GABRA2: variants seen among roughly 807,000 people sequenced by gnomAD.
The protein encoded by GABRA2 is gamma-aminobutyric acid type A receptor subunit alpha2, also known as gamma-aminobutyric acid receptor subunit alpha-2.
A neutral mutation model predicts 48.7 loss-of-function variants in GABRA2; 16 were observed. The ratio of observed to expected loss-of-function variants is 0.33; its 90% CI spans 0.22 to 0.50. The LOEUF (loss-of-function observed/expected upper bound fraction) is 0.50, where lower values mean the gene tolerates loss of function less well. Ranked by LOEUF, GABRA2 falls within the 20% of genes least tolerant of loss-of-function variation. The pLI is 0.98. For missense variants in GABRA2, 275 were observed against 535.6 expected, an observed-to-expected ratio of 0.51 and a Z score of 4.80; for synonymous variants, 185 against 184.5, an observed-to-expected ratio of 1.00 and a Z score of -0.02.
In GABRA2 at chr4:46,314,374, T is replaced by C. The variant is rs77166883; in HGVS notation, c.256-1658A>G. Among the ~76,000 whole-genome samples the C allele has an allele frequency of 0.021, 3,140 of 152,280 alleles. 141 individuals are homozygous for C. The East Asian group carries it at 0.22, about 11-fold the overall frequency. On this transcript the variant is annotated intron_variant, in intron 4 of 9. Transcript: ENST00000381620. Reference sequence around the variant, plus strand: ...TTATCTGTTTCAGAAGCTATTGATATGACAGTCATTTTCTGGAGGTCAATC... The same window carrying C: ...TTATCTGTTTCAGAAGCTATTGATACGACAGTCATTTTCTGGAGGTCAATC...
rs1252863273 is a variant in GABRA2, at chr4:46,390,092, G to C, written c.-368C>G. The C allele has an allele frequency of 1.0e-6, 1 of 964,586 alleles. No homozygotes were observed. The highest frequency in any genetic ancestry group is 1.2e-6 in the Non-Finnish European group (1 of 811,244). 59.8% of individuals were successfully genotyped at this position (964,586 alleles called of 1,614,324 possible). A position where few individuals can be genotyped will look rare whatever the true frequency, so the allele number is the denominator to read the frequency against. ...TTGGGGGGACGCGGGCGGAGGCGCG[G>C]TGCGCGCCGGCGGTGGCGGGCACGA... On this transcript the variant is annotated 5_prime_UTR_variant, in exon 1 of 10. Transcript: ENST00000381620.
intron 8 of GABRA2, among the ~76,000 whole-genome samples, chr4:46,265,007 A>ATATATATATATATATATATGT (rs1426804933): frequency 7.1e-6 from 1 of 140,548 alleles, no homozygotes; most frequent in Non-Finnish European, 1.5e-5. Flanking sequence ...ATATATGTAT[A>ATATATATATATATATATATGT]AAGAGAGAGA....
chr4:46,330,269 A>G (rs1475896931), intron 4 of GABRA2, among the ~76,000 whole-genome samples: 5 of 152,050 alleles, frequency 3.3e-5, no homozygotes, highest in African/African-American at 1.2e-4. Context: ...TTCAATTTAC[A>G]GATAAAGCAC....
At chr4:46,346,625 TTTA>T (rs1214173579) in intron 3 of GABRA2, among the ~76,000 whole-genome samples, 1 of 148,500 alleles carries the variant, frequency 6.7e-6, no homozygotes, top group African/African-American at 2.4e-5. Flanking sequence ...AAATATTATA[TTTA>T]TTATATTTAT....
intron 2 of GABRA2, 34 bp downstream of exon 2, chr4:46,388,602 G>T: frequency 6.2e-7 from 1 of 1,611,560 alleles, no homozygotes; most frequent in South Asian, 1.1e-5. Flanking sequence ...TCTTTGCCCT[G>T]AATTAAAATA....
intron 8 of GABRA2, among the ~76,000 whole-genome samples, chr4:46,291,933 G>A (rs773700785): frequency 2.0e-5 from 3 of 151,814 alleles, no homozygotes; most frequent in East Asian, 1.9e-4. Flanking sequence ...ATTGGTTTTC[G>A]GATTTCTAGA....
At chr4:46,309,359 A>G (rs567922978) in intron 6 of GABRA2, among the ~76,000 whole-genome samples, 1 of 152,234 alleles carries the variant, frequency 6.6e-6, no homozygotes, top group Non-Finnish European at 1.5e-5. Flanking sequence ...TTCAACAGAG[A>G]AGAAAAAGTC....
chr4:46,377,603 T>TG (rs1409211779), intron 3 of GABRA2, among the ~76,000 whole-genome samples: 5 of 142,304 alleles, frequency 3.5e-5, no homozygotes, highest in South Asian at 2.3e-4. Flanking sequence ...GGCAGGGAGG[T>TG]GGGGGGTCAG....
Position 46,249,893 on chromosome 4 carries a change from A to G in GABRA2, c.*415T>C, listed in dbSNP as rs1433291865. 1 of 165,278 alleles carries G rather than the reference A, an allele frequency of 6.1e-6. No homozygotes were observed. Among genetic ancestry groups the G allele is most frequent in the East Asian group, 1.7e-4 (1 of 5,764 alleles). The allele number at this position is 165,278 out of a possible 1,614,324, so 10.2% of individuals were successfully genotyped here. A position where few individuals can be genotyped will look rare whatever the true frequency, so the allele number is the denominator to read the frequency against. ...GTCAGATACAATGTTTGTTACTTCA[A>G]AGGATTCATCTAGGAATGACAATGT... is the stretch of plus-strand genomic sequence containing the variant. On this transcript the variant is annotated 3_prime_UTR_variant, in exon 10 of 10. Transcript: ENST00000381620.
At chr4:46,290,652 C>T (rs1723452643) in intron 8 of GABRA2, among the ~76,000 whole-genome samples, 1 of 151,950 alleles carries the variant, frequency 6.6e-6, no homozygotes, top group African/African-American at 2.4e-5. Flanking sequence ...TTTTTAAGCT[C>T]TAGTAATTTT....
chr4:46,291,375 T>A (rs1723591492), intron 8 of GABRA2, among the ~76,000 whole-genome samples: 1 of 152,104 alleles, frequency 6.6e-6, no homozygotes, highest in African/African-American at 2.4e-5. Flanking sequence ...GTGTCCAAGA[T>A]TATTGTGATG....
intron 3 of GABRA2, among the ~76,000 whole-genome samples, chr4:46,369,231 T>C (rs1373734712): frequency 1.3e-5 from 2 of 152,120 alleles, no homozygotes; most frequent in African/African-American, 4.8e-5. Context: ...ACCCCTGTAA[T>C]CAGGGAAGCT....
At chr4:46,316,906 A>T (rs1465313663) in intron 4 of GABRA2, among the ~76,000 whole-genome samples, 1 of 151,880 alleles carries the variant, frequency 6.6e-6, no homozygotes, top group African/African-American at 2.4e-5. Context: ...TCCAATGCAC[A>T]AGCCCATTTC....
chr4:46,255,360 A>T (rs1937855214), intron 9 of GABRA2, among the ~76,000 whole-genome samples: 1 of 151,660 alleles, frequency 6.6e-6, no homozygotes, highest in South Asian at 2.1e-4. Context: ...AGCTTATTCT[A>T]CAATTCTATT....
intron 3 of GABRA2, among the ~76,000 whole-genome samples, chr4:46,381,164 T>A (rs1384849196): frequency 1.3e-5 from 2 of 152,218 alleles, no homozygotes; most frequent in African/African-American, 2.4e-5. Flanking sequence ...TTGTTACTCT[T>A]GATCATGTGG....
intron 3 of GABRA2, among the ~76,000 whole-genome samples, chr4:46,334,648 T>G (rs1260872434): frequency 6.6e-6 from 1 of 152,142 alleles, no homozygotes; most frequent in Non-Finnish European, 1.5e-5. Flanking sequence ...TGAAGGGGTA[T>G]CAGTACCTAG....
intron 3 of GABRA2, among the ~76,000 whole-genome samples, chr4:46,334,197 C>T (rs1158791646): frequency 6.6e-6 from 1 of 152,060 alleles, no homozygotes; most frequent in Non-Finnish European, 1.5e-5. Context: ...TCAGAAAAGT[C>T]CCATGCTTCA....
At chr4:46,365,485 A>T (rs1045647671) in intron 3 of GABRA2, 1 of 152,116 alleles carries the variant, frequency 6.6e-6, no homozygotes, top group East Asian at 1.9e-4. Context: ...TATTTCCTAA[A>T]TTGTGAACAA....
chr4:46,336,472 G>T (rs145309156), intron 3 of GABRA2, among the ~76,000 whole-genome samples: 3 of 152,054 alleles, frequency 2.0e-5, no homozygotes, highest in Non-Finnish European at 4.4e-5. Context: ...GCTAAATAAT[G>T]GTTTACCATT....
Sources: gnomAD v4.1 joint callset for allele counts (sites outside exome capture counted in the v4.1 genomes callset) on GRCh38, gnomAD v4.1.1 for gene constraint, MANE v1.5 for transcripts, NCBI Gene and HGNC (gene_info 2026-07-23, HGNC 2026-07-21) for gene names.